DOCK10: variants seen among roughly 807,000 people sequenced by gnomAD.
The protein encoded by DOCK10 is dedicator of cytokinesis 10.
A neutral mutation model predicts 280.1 loss-of-function variants in DOCK10; 145 were observed. The ratio of observed to expected loss-of-function variants is 0.52; its 90% confidence interval spans 0.45 to 0.59. The LOEUF is 0.59. Among genes scored for constraint, DOCK10 ranks in the 20% least tolerant of loss-of-function variants. The probability of loss-of-function intolerance (pLI) is 0.00; values close to 1 mark genes in which losing one functional copy is unlikely to be tolerated. For missense variants in DOCK10, 2,368 were observed against 2,651.7 expected (o/e 0.89, Z 2.35); for synonymous variants, 915 against 942.2 (o/e 0.97, Z 0.53).
At chr2:224,884,472 C>T (rs1699161219) in intron 7 of DOCK10, among the ~76,000 whole-genome samples, 1 of 152,180 alleles carries the variant, frequency 6.6e-6, no homozygotes, top group Non-Finnish European at 1.5e-5. Context: ...GTTGCTAAAA[C>T]ACTTTTGATT....
At chr2:225,041,749 G>A (rs1230389909) in intron 1 of DOCK10, among the ~76,000 whole-genome samples, 15 of 152,182 alleles carry the variant, frequency 9.9e-5, no homozygotes, top group African/African-American at 3.4e-4. Context: ...GATAGTTAAC[G>A]TCGGGGGGCC....
intron 27 of DOCK10, among the ~76,000 whole-genome samples, chr2:224,823,984 C>T (rs1694680081): frequency 1.3e-5 from 2 of 149,946 alleles, no homozygotes; most frequent in Non-Finnish European, 3.0e-5. Flanking sequence ...TACTTTCCCT[C>T]CTTCCCTCTC....
chr2:225,002,666 G>T (rs1034575909), intron 1 of DOCK10, among the ~76,000 whole-genome samples: 1 of 152,188 alleles, frequency 6.6e-6, no homozygotes, highest in East Asian at 1.9e-4. Flanking sequence ...TGGGCAGGCA[G>T]GTGTAAACAT....
chr2:224,799,028 C>A (rs1692791415), intron 41 of DOCK10, among the ~76,000 whole-genome samples: 2 of 152,172 alleles, frequency 1.3e-5, no homozygotes, highest in South Asian at 4.1e-4. Flanking sequence ...AATTGACATA[C>A]AATAAATTGA....
chr2:225,032,702 A>C (rs1340429379), intron 1 of DOCK10, among the ~76,000 whole-genome samples: 1 of 152,226 alleles, frequency 6.6e-6, no homozygotes, highest in Non-Finnish European at 1.5e-5. Context: ...TCCATTTGTC[A>C]TTCTAAAGAG....
chr2:224,997,527 C>T (rs959498561), intron 1 of DOCK10, among the ~76,000 whole-genome samples: 3 of 152,154 alleles, frequency 2.0e-5, no homozygotes, highest in African/African-American at 4.8e-5. Flanking sequence ...CCACCGCGCC[C>T]GGCTGTCCTA....
chr2:224,897,944 T>C (rs1700079133), intron 3 of DOCK10, among the ~76,000 whole-genome samples: 1 of 152,084 alleles, frequency 6.6e-6, no homozygotes, highest in African/African-American at 2.4e-5. Flanking sequence ...TTCTGGGGAG[T>C]AAGCAGCTAT....
chr2:224,835,921 T>G (rs920743532), intron 25 of DOCK10, among the ~76,000 whole-genome samples: 1 of 150,210 alleles, frequency 6.7e-6, no homozygotes, highest in African/African-American at 2.4e-5. Flanking sequence ...GTATTTCAGA[T>G]ACCCTGGTTA....
chr2:224,905,024 T>G (rs1330550010), intron 3 of DOCK10, among the ~76,000 whole-genome samples: 1 of 152,190 alleles, frequency 6.6e-6, no homozygotes, highest in Non-Finnish European at 1.5e-5. Flanking sequence ...AGTCTTATCT[T>G]GAATATTCAT....
chr2:224,915,332 C>T (rs1701247124), intron 3 of DOCK10, among the ~76,000 whole-genome samples: 1 of 152,218 alleles, frequency 6.6e-6, no homozygotes, highest in South Asian at 2.1e-4. Flanking sequence ...TGATATCACA[C>T]ACTATTTTTA....
rs998497726 is a variant in DOCK10 at position 224,970,019 on chromosome 2, T to C, written c.124-38351A>G. Among the ~76,000 whole-genome samples the C allele has an allele frequency of 2.0e-5, 3 of 152,198 alleles. No individual in the cohort carries two copies. The highest frequency in any genetic ancestry group is 4.8e-5 in the African/African-American group (2 of 41,460). ...AGTGGCTTTCATTTGGGGAATATCA[T>C]TGGGTTCACTGGCTTTTTCACTGAG... On this transcript the variant is annotated intron_variant, in intron 1 of 55. Coordinates refer to ENST00000258390, the MANE Select transcript of DOCK10 (RefSeq NM_014689.3). This position sits in a 1 kb window ranked among gnomAD's most constrained non-coding sequence, Gnocchi z 4.6.
chr2:224,891,073 TGATGGATGGATGGATG>T (rs368721844), intron 4 of DOCK10, among the ~76,000 whole-genome samples: 1 of 151,714 alleles, frequency 6.6e-6, no homozygotes, highest in Non-Finnish European at 1.5e-5. Flanking sequence ...GAAGGATGGA[TGATGGATGGATGGATG>T]GATGGATGGA....
At chr2:224,828,499 T>TG (rs2125377490) in intron 27 of DOCK10, among the ~76,000 whole-genome samples, 1 of 152,236 alleles carries the variant, frequency 6.6e-6, no homozygotes, top group Admixed American at 6.5e-5. Context: ...TAATTGAGAC[T>TG]GGAAGATCCA....
chr2:224,879,998 C>T (rs890741471), intron 7 of DOCK10, among the ~76,000 whole-genome samples: 2 of 151,986 alleles, frequency 1.3e-5, no homozygotes, highest in Non-Finnish European at 2.9e-5. Context: ...TATATTGGGT[C>T]CAAATTAAAG....
intron 1 of DOCK10, among the ~76,000 whole-genome samples, chr2:225,034,438 C>T (rs749578830): frequency 6.6e-6 from 1 of 152,182 alleles, no homozygotes; most frequent in Non-Finnish European, 1.5e-5. Flanking sequence ...TGCCCAATAC[C>T]TTTCTGCAGG....
chr2:224,932,980 A>C (rs1301599157), intron 1 of DOCK10, among the ~76,000 whole-genome samples: 1 of 152,220 alleles, frequency 6.6e-6, no homozygotes, highest in Non-Finnish European at 1.5e-5. Context: ...TTAGAAAAAA[A>C]AACCCAGCTC....
intron 1 of DOCK10, among the ~76,000 whole-genome samples, chr2:225,020,078 A>G (rs969970616): frequency 3.3e-5 from 5 of 152,134 alleles, no homozygotes; most frequent in Admixed American, 1.3e-4. Flanking sequence ...ACTTTCCTCT[A>G]TGAGTTTTCA....
rs144833234 is a variant in DOCK10, at chr2:225,038,387, T to C, written c.123+3865A>G. Among the ~76,000 whole-genome samples the C allele has an allele frequency of 1.1e-3, 168 of 152,302 alleles. 1 individual carries two copies. Among genetic ancestry groups the C allele is most frequent in the African/African-American group, 3.9e-3 (162 of 41,566 alleles). Reference sequence around the variant, plus strand: ...ACGCTCACGTAAACATGTTTACATATTCATTACTTCTCAATCAAAGCTCTT... The same window carrying C: ...ACGCTCACGTAAACATGTTTACATACTCATTACTTCTCAATCAAAGCTCTT... On this transcript the variant is annotated intron_variant, in intron 1 of 55. Transcript: ENST00000258390.
rs1181283057 is a variant in DOCK10 at position 224,886,122 on chromosome 2, A to C, written c.553T>G (p.Ser185Ala). The C allele has an allele frequency of 1.2e-6, 2 of 1,613,842 alleles. No individual in the cohort carries two copies. The highest frequency in any genetic ancestry group is 3.3e-5 in the Admixed American group (2 of 60,008). ...AAATTCCCCTTGTAGAGCCAGCCGG[A>C]CTTGAAAACACCAGTTCCTCCCGCT... Reference protein sequence around the residue: ...GGAGGTGVFKSGWLYKGNFNS... With the variant: ...GGAGGTGVFKAGWLYKGNFNS... Residue 185 changes from serine (S) to alanine (A), a missense_variant, in exon 6 of 56, where the codon TCC becomes GCC. Physicochemically the swap from Ser to Ala is moderately conservative, Grantham distance 99. Coordinates refer to ENST00000258390, the MANE Select transcript of DOCK10 (RefSeq NM_014689.3).
Sources: gnomAD v4.1 joint callset for allele counts (sites outside exome capture counted in the v4.1 genomes callset) on GRCh38, gnomAD v4.1.1 for gene constraint, Gnocchi (gnomAD v3.1) non-coding constraint, MANE v1.5 for transcripts, NCBI Gene and HGNC (gene_info 2026-07-23, HGNC 2026-07-21) for gene names.